PARP8: variants seen among roughly 807,000 people sequenced by gnomAD.
PARP8 encodes poly(ADP-ribose) polymerase family member 8.
Under a neutral mutation model 124.1 loss-of-function variants are expected in PARP8, and 51 were observed. The observed-to-expected ratio is 0.41, with a 90% CI of 0.33 to 0.52. The LOEUF is 0.52. Ranked by LOEUF, PARP8 falls within the 20% of genes least tolerant of loss-of-function variation. The probability of loss-of-function intolerance (pLI) is 0.21; values close to 1 mark genes in which losing one functional copy is unlikely to be tolerated. For synonymous variants in PARP8, 391 were observed against 361.5 expected, an observed-to-expected ratio of 1.08 and a Z score of -0.93; for missense variants, 860 against 1,018.9, an observed-to-expected ratio of 0.84 and a Z score of 2.12.
chr5:50,838,056 G>A (rs1747783200), intron 25 of PARP8, among the ~76,000 whole-genome samples: 1 of 152,096 alleles, frequency 6.6e-6, no homozygotes, highest in African/African-American at 2.4e-5. Context: ...AGATGTGAAT[G>A]TAGGAATGAA....
chr5:50,822,228 C>G, intron 16 of PARP8, 107 bp from the exon 17 acceptor site: 2 of 796,262 alleles, frequency 2.5e-6, no homozygotes, highest in Middle Eastern at 6.3e-4. Context: ...AAATTGACCC[C>G]AGTGGAAAAT....
At chr5:50,801,011 G>T (rs919097480) in intron 14 of PARP8, among the ~76,000 whole-genome samples, 11 of 151,984 alleles carry the variant, frequency 7.2e-5, no homozygotes, top group Non-Finnish European at 1.5e-5. Context: ...TCCTGCCTTA[G>T]CCTCTCAAAG....
intron 3 of PARP8, among the ~76,000 whole-genome samples, chr5:50,753,138 A>G (rs1759446014): frequency 6.6e-6 from 1 of 151,492 alleles, no homozygotes; most frequent in African/African-American, 2.4e-5. Context: ...TTTTTTTTTT[A>G]ATGTCAGAGA....
chr5:50,835,544 A>G (rs1747482979), intron 25 of PARP8, among the ~76,000 whole-genome samples: 1 of 150,026 alleles, frequency 6.7e-6, no homozygotes, highest in Non-Finnish European at 1.5e-5. Context: ...CTCAAAAAGA[A>G]AAAAAAAGAA....
chr5:50,734,971 A>T (rs1451074138), intron 2 of PARP8, among the ~76,000 whole-genome samples: 1 of 152,134 alleles, frequency 6.6e-6, no homozygotes, highest in Non-Finnish European at 1.5e-5. Context: ...ATATTAAAAT[A>T]TGCAGAATAA....
chr5:50,755,398 T>C (rs990687424), intron 3 of PARP8, among the ~76,000 whole-genome samples: 2 of 152,244 alleles, frequency 1.3e-5, no homozygotes, highest in Non-Finnish European at 2.9e-5. Flanking sequence ...TTTCCACATA[T>C]GGCTAGCCAG....
intron 9 of PARP8, among the ~76,000 whole-genome samples, chr5:50,787,200 C>G (rs1480015614): frequency 6.6e-6 from 1 of 152,124 alleles, no homozygotes; most frequent in African/African-American, 2.4e-5. Context: ...CCTCCACGGA[C>G]GAAGTTCTAT....
intron 14 of PARP8, among the ~76,000 whole-genome samples, chr5:50,799,145 T>C (rs1293677097): frequency 6.6e-6 from 1 of 152,234 alleles, no homozygotes; most frequent in Non-Finnish European, 1.5e-5. Context: ...AGTAATTGCC[T>C]AATTCAAAGT....
At chr5:50,804,928 C>CT (rs533823076) in intron 14 of PARP8, among the ~76,000 whole-genome samples, 54 of 148,936 alleles carry the variant, frequency 3.6e-4, no homozygotes, top group Admixed American at 7.4e-4. Context: ...TGCAGCTTTT[C>CT]TTTTTTTTTT....
At chr5:50,746,709 G>A (rs1485758520) in intron 2 of PARP8, among the ~76,000 whole-genome samples, 3 of 152,046 alleles carry the variant, frequency 2.0e-5, no homozygotes, top group Admixed American at 6.6e-5. Flanking sequence ...TTAACACAAT[G>A]TTTGGCTCAT....
intron 14 of PARP8, among the ~76,000 whole-genome samples, chr5:50,800,509 G>A (rs1743083059): frequency 6.6e-6 from 1 of 152,110 alleles, no homozygotes; most frequent in African/African-American, 2.4e-5. Flanking sequence ...GATTTAGGGG[G>A]AAAATGTTCA....
intron 21 of PARP8, among the ~76,000 whole-genome samples, chr5:50,828,960 C>T (rs1746646915): frequency 6.6e-6 from 1 of 151,990 alleles, no homozygotes; most frequent in African/African-American, 2.4e-5. Context: ...AAACAAATCA[C>T]ACTTTTTACT....
intron 2 of PARP8, among the ~76,000 whole-genome samples, chr5:50,725,390 C>G (rs759952332): frequency 1.3e-5 from 2 of 151,894 alleles, no homozygotes; most frequent in Non-Finnish European, 2.9e-5. Context: ...TGGCTAATGT[C>G]TAAAGTAAGA....
intron 22 of PARP8, among the ~76,000 whole-genome samples, chr5:50,832,009 TCTC>T (rs1427326665): frequency 4.6e-5 from 7 of 152,174 alleles, no homozygotes; most frequent in Admixed American, 1.3e-4. Context: ...TCCAAGGCCT[TCTC>T]CTCAACCTGT....
intron 2 of PARP8, among the ~76,000 whole-genome samples, chr5:50,676,937 C>T (rs185086290): frequency 6.6e-6 from 1 of 152,170 alleles, no homozygotes; most frequent in African/African-American, 2.4e-5. Flanking sequence ...GAGTGAAGTC[C>T]CTGCTTTAAA....
intron 2 of PARP8, among the ~76,000 whole-genome samples, chr5:50,748,981 C>T (rs1324003202): frequency 6.6e-6 from 1 of 152,104 alleles, no homozygotes; most frequent in Admixed American, 6.5e-5. Flanking sequence ...TTGCTAGTGC[C>T]CCATAAGTCA....
At chr5:50,668,318 T>C in intron 2 of PARP8, 193 bp downstream of exon 2, 1 of 603,674 alleles carries the variant, frequency 1.7e-6, no homozygotes, top group South Asian at 1.9e-5. Flanking sequence ...TTGATTCAGG[T>C]GTTTCGAGGA....
intron 2 of PARP8, among the ~76,000 whole-genome samples, chr5:50,747,625 G>A (rs1758734443): frequency 6.6e-6 from 1 of 151,698 alleles, no homozygotes; most frequent in Non-Finnish European, 1.5e-5. Flanking sequence ...TTATCATTAC[G>A]AATGATCTCT....
At chr5:50,833,861 T>C in intron 23 of PARP8, 118 bp from the exon 24 acceptor site, 1 of 707,484 alleles carries the variant, frequency 1.4e-6, no homozygotes, top group Non-Finnish European at 2.4e-6. Context: ...CTAGTCTAGA[T>C]AGGCTTTTTT....
Sources: allele counts gnomAD v4.1 joint callset (sites outside exome capture counted in the v4.1 genomes callset), GRCh38; gene constraint gnomAD v4.1.1; transcripts MANE v1.5; gene names NCBI Gene and HGNC (gene_info 2026-07-23, HGNC 2026-07-21).